Variants in B3GALT1 observed in about 807,000 individuals in gnomAD.
B3GALT1 encodes the protein beta-1,3-galactosyltransferase 1, also known as UDP-Gal:betaGlcNAc beta 1,3-galactosyltransferase, polypeptide 1.
In B3GALT1, 10 loss-of-function variants were observed where a neutral mutation model predicts 23.2. The observed-to-expected ratio is 0.43, with a 90% CI of 0.27 to 0.73. The LOEUF (loss-of-function observed/expected upper bound fraction) is 0.73. Among genes scored for constraint, B3GALT1 ranks in the 30% least tolerant of loss-of-function variants. B3GALT1 has a pLI of 0.21. For missense variants in B3GALT1, 299 were observed against 405.4 expected, an observed-to-expected ratio of 0.74 and a Z score of 2.25; for synonymous variants, 156 against 141.5, an observed-to-expected ratio of 1.10 and a Z score of -0.73.
chr2:167,835,634 C>A (rs1424143506), intron 4 of B3GALT1, among the ~76,000 whole-genome samples: 1 of 152,226 alleles, frequency 6.6e-6, no homozygotes, highest in Non-Finnish European at 1.5e-5. Context: ...ACAGCAGTAA[C>A]CTCTGCAGAC....
intron 3 of B3GALT1, among the ~76,000 whole-genome samples, chr2:167,799,330 C>G (rs1349928376): frequency 2.0e-5 from 3 of 152,172 alleles, no homozygotes; most frequent in Non-Finnish European, 2.9e-5. Context: ...TTTTTATATC[C>G]TTAGCCCCCT....
chr2:167,673,652 A>G (rs377606332), intron 3 of B3GALT1, among the ~76,000 whole-genome samples: 1 of 152,018 alleles, frequency 6.6e-6, no homozygotes, highest in East Asian at 1.9e-4. Context: ...AAATCCTTAT[A>G]TTGAGAACCC....
intron 3 of B3GALT1, among the ~76,000 whole-genome samples, chr2:167,816,235 T>C (rs890535583): frequency 6.6e-6 from 1 of 152,242 alleles, no homozygotes; most frequent in African/African-American, 2.4e-5. Flanking sequence ...TTTTCCTGCA[T>C]TGATGGCAAT....
chr2:167,404,773 C>G (rs1324972119), intron 1 of B3GALT1, among the ~76,000 whole-genome samples: 6 of 152,154 alleles, frequency 3.9e-5, no homozygotes, highest in Non-Finnish European at 7.4e-5. Context: ...AAATAAAGCA[C>G]ATCCTGGCAT....
At chr2:167,482,234 T>C (rs1699571325) in intron 1 of B3GALT1, among the ~76,000 whole-genome samples, 1 of 152,186 alleles carries the variant, frequency 6.6e-6, no homozygotes, top group Non-Finnish European at 1.5e-5. Flanking sequence ...ATGAATAATA[T>C]ATCAAAATCT....
At chr2:167,630,639 A>G in intron 2 of B3GALT1, among the ~76,000 whole-genome samples, 1 of 151,758 alleles carries the variant, frequency 6.6e-6, no homozygotes, top group East Asian at 1.9e-4. Context: ...AGCAAAAAAA[A>G]AAGCTAGATA....
At chr2:167,837,677 C>G (rs1159255211) in intron 4 of B3GALT1, among the ~76,000 whole-genome samples, 1 of 149,226 alleles carries the variant, frequency 6.7e-6, no homozygotes, top group Non-Finnish European at 1.5e-5. Flanking sequence ...CCAAGCGGAC[C>G]TAATAGACAT....
intron 2 of B3GALT1, among the ~76,000 whole-genome samples, chr2:167,553,429 C>G (rs1273038362): frequency 6.6e-6 from 1 of 152,084 alleles, no homozygotes; most frequent in Admixed American, 6.5e-5. Context: ...AAGTGGCTAC[C>G]CAAAGACAGC....
intron 3 of B3GALT1, among the ~76,000 whole-genome samples, chr2:167,764,822 C>T (rs1687950826): frequency 6.6e-6 from 1 of 152,130 alleles, no homozygotes; most frequent in Admixed American, 6.5e-5. Context: ...GCTTTCTACA[C>T]TAGATCTTGA....
chr2:167,612,245 G>C (rs1201992848), intron 2 of B3GALT1, among the ~76,000 whole-genome samples: 1 of 151,796 alleles, frequency 6.6e-6, no homozygotes, highest in African/African-American at 2.4e-5. Flanking sequence ...ATGAATAGTG[G>C]ACCTAAAAAA....
At chr2:167,406,511 A>G (rs1487320195) in intron 1 of B3GALT1, among the ~76,000 whole-genome samples, 1 of 152,200 alleles carries the variant, frequency 6.6e-6, no homozygotes, top group African/African-American at 2.4e-5. Context: ...CCCAGCGCCA[A>G]GCACACAGGA....
At chr2:167,726,514 T>G (rs1687318094) in intron 3 of B3GALT1, among the ~76,000 whole-genome samples, 1 of 152,282 alleles carries the variant, frequency 6.6e-6, no homozygotes, top group Non-Finnish European at 1.5e-5. Flanking sequence ...TATTCCTCCA[T>G]TTTAGACTTG....
intron 1 of B3GALT1, among the ~76,000 whole-genome samples, chr2:167,302,194 G>T (rs1408258025): frequency 6.6e-6 from 1 of 152,052 alleles, no homozygotes; most frequent in East Asian, 1.9e-4. Context: ...TATGAAGAAG[G>T]ACTCTTGATT....
At chr2:167,547,478 C>T (rs912731643) in intron 2 of B3GALT1, among the ~76,000 whole-genome samples, 11 of 152,010 alleles carry the variant, frequency 7.2e-5, no homozygotes, top group African/African-American at 2.7e-4. Context: ...GAGCGGATCA[C>T]GAGGTCAGGA....
At chr2:167,327,320 T>G (rs1574034391) in intron 1 of B3GALT1, among the ~76,000 whole-genome samples, 1 of 152,128 alleles carries the variant, frequency 6.6e-6, no homozygotes. Context: ...AGAGATTGCA[T>G]TGACTCTATA....
At chr2:167,811,607 A>T (rs578250597) in intron 3 of B3GALT1, among the ~76,000 whole-genome samples, 6 of 152,168 alleles carry the variant, frequency 3.9e-5, no homozygotes, top group African/African-American at 1.4e-4. Flanking sequence ...CTCATTCAAG[A>T]TCTCATTGAT....
chr2:167,680,009 A>G (rs1382807211), intron 3 of B3GALT1, among the ~76,000 whole-genome samples: 1 of 152,090 alleles, frequency 6.6e-6, no homozygotes, highest in Non-Finnish European at 1.5e-5. Context: ...GGTTTTTTCT[A>G]CTTAATAAAC....
intron 3 of B3GALT1, among the ~76,000 whole-genome samples, chr2:167,673,736 TAAA>T: frequency 6.6e-6 from 1 of 152,162 alleles, no homozygotes; most frequent in South Asian, 2.1e-4. Context: ...TCATAACAGT[TAAA>T]AAATTATCTA....
chr2:167,772,182 G>A (rs1402454338), intron 3 of B3GALT1, among the ~76,000 whole-genome samples: 1 of 152,132 alleles, frequency 6.6e-6, no homozygotes, highest in Non-Finnish European at 1.5e-5. Context: ...ACCAAAATTA[G>A]TTAGCACAGA....
Sources: gnomAD v4.1 joint callset for allele counts (sites outside exome capture counted in the v4.1 genomes callset) on GRCh38, gnomAD v4.1.1 for gene constraint, MANE v1.5 for transcripts, NCBI Gene and HGNC (gene_info 2026-07-23, HGNC 2026-07-21) for gene names.